Variants in SLCO3A1 observed in about 807,000 individuals in gnomAD.
SLCO3A1 encodes solute carrier organic anion transporter family member 3A1.
SLCO3A1 carries 27 observed loss-of-function variants against 63.1 expected under a neutral mutation model. The observed-to-expected ratio is 0.43, with a 90% CI of 0.32 to 0.59. The LOEUF (loss-of-function observed/expected upper bound fraction) is 0.59. Among genes scored for constraint, SLCO3A1 ranks in the 20% least tolerant of loss-of-function variants. SLCO3A1 has a pLI of 0.09. For synonymous variants in SLCO3A1, 473 were observed against 409.9 expected (o/e 1.15, Z -1.86); for missense variants, 773 against 945.8 (o/e 0.82, Z 2.40).
At chr15:91,901,798 C>T (rs764796032) in intron 1 of SLCO3A1, among the ~76,000 whole-genome samples, 5 of 152,054 alleles carry the variant, frequency 3.3e-5, no homozygotes, top group African/African-American at 7.2e-5. Context: ...TGTGTCTAGG[C>T]GGGGATCTTT....
Position 91,957,159 on chromosome 15 carries a change from A to AT in SLCO3A1, c.646+40712dup, listed in dbSNP as rs113837519. ...ACTATATATTATAATATATATATAT[A>AT]TTTTTTTTTTTAGTAGAGACGGGGT... is the stretch of plus-strand genomic sequence containing the variant. On this transcript the variant is annotated intron_variant, in intron 2 of 9. Transcript: ENST00000318445. 1.3e-3 allele frequency among the ~76,000 whole-genome samples: 19 copies of AT among 14,486 alleles called. 1 individual carries two copies. The highest frequency in any genetic ancestry group is 8.8e-3 in the East Asian group (5 of 570). 9.5% of individuals were successfully genotyped at this position (14,486 alleles called of 152,430 possible).
chr15:91,963,626 G>C, intron 2 of SLCO3A1, among the ~76,000 whole-genome samples: 1 of 152,108 alleles, frequency 6.6e-6, no homozygotes, highest in Non-Finnish European at 1.5e-5. Flanking sequence ...ATGAAGCCGT[G>C]GACCTTCGCG....
chr15:92,105,972 C>A (rs558596582), intron 4 of SLCO3A1, among the ~76,000 whole-genome samples: 1 of 152,292 alleles, frequency 6.6e-6, no homozygotes, highest in East Asian at 1.9e-4. Context: ...TGTGCTCAGC[C>A]CCCTGTTCTG....
intron 2 of SLCO3A1, among the ~76,000 whole-genome samples, chr15:92,093,565 C>CA (rs2047503335): frequency 6.6e-6 from 1 of 152,122 alleles, no homozygotes; most frequent in Non-Finnish European, 1.5e-5. Context: ...ATTTAAAAAC[C>CA]ATTTGCCTTC....
intron 2 of SLCO3A1, among the ~76,000 whole-genome samples, chr15:91,927,322 A>G (rs1899064923): frequency 6.6e-6 from 1 of 152,136 alleles, no homozygotes; most frequent in Non-Finnish European, 1.5e-5. Context: ...TCTAAAAGCA[A>G]AAACACTTTA....
At chr15:91,921,212 T>C (rs912294410) in intron 2 of SLCO3A1, among the ~76,000 whole-genome samples, 5 of 152,248 alleles carry the variant, frequency 3.3e-5, no homozygotes, top group Non-Finnish European at 7.3e-5. Context: ...TGGTCTTCCC[T>C]CTGCATACAC....
At chr15:92,016,253 AT>A (rs33921523) in intron 2 of SLCO3A1, among the ~76,000 whole-genome samples, 3,745 of 24,042 alleles carry the variant, frequency 0.16, 131 homozygotes, top group African/African-American at 0.34. Context: ...AGATAGATAG[AT>A]TAGATAGATA....
chr15:92,130,367 G>A (rs1459534848), intron 7 of SLCO3A1, among the ~76,000 whole-genome samples: 1 of 152,190 alleles, frequency 6.6e-6, no homozygotes, highest in Non-Finnish European at 1.5e-5. Flanking sequence ...GGTTACTCGA[G>A]GCCTCACATT....
At chr15:92,169,817 A>G (rs891664409), downstream of SLCO3A1, among the ~76,000 whole-genome samples, 1 of 152,182 alleles carries the variant, frequency 6.6e-6, no homozygotes, top group Admixed American at 6.5e-5. Context: ...GGCACTTGTC[A>G]TATTGAGTTC....
chr15:91,860,484 A>G lies in SLCO3A1; in HGVS notation c.180+6396A>G, dbSNP rs764041643. ...ACAGTTGCTTTAACAGTAATGGTAT[A>G]ACCCTGCTCGTTGACATTAGCACCA... On this transcript the variant is annotated intron_variant, in intron 1 of 9. Transcript: ENST00000318445. The surrounding 1 kb of genome is among the most constrained non-coding windows in gnomAD (Gnocchi z 5.5). 5.3e-5 allele frequency among the ~76,000 whole-genome samples: 8 copies of G among 152,198 alleles called. No homozygotes were observed. Among genetic ancestry groups the G allele is most frequent in the Non-Finnish European group, 1.0e-4 (7 of 68,026 alleles).
At chr15:92,090,880 C>T (rs1046286387) in intron 2 of SLCO3A1, among the ~76,000 whole-genome samples, 12 of 152,176 alleles carry the variant, frequency 7.9e-5, no homozygotes, top group African/African-American at 2.9e-4. Context: ...TCAATCCTCA[C>T]CACAACCCCA....
intron 7 of SLCO3A1, among the ~76,000 whole-genome samples, chr15:92,142,157 C>T (rs1485680137): frequency 2.0e-5 from 3 of 152,232 alleles, no homozygotes; most frequent in African/African-American, 7.2e-5. Context: ...TGGACACCAA[C>T]AAACAGACAT....
intron 2 of SLCO3A1, among the ~76,000 whole-genome samples, chr15:91,963,420 G>GGCT (rs1454679549): frequency 8.4e-6 from 1 of 118,588 alleles, no homozygotes; most frequent in African/African-American, 3.2e-5. Flanking sequence ...GGGGGGGGGG[G>GGCT]CGGCAGCAGC....
intron 4 of SLCO3A1, among the ~76,000 whole-genome samples, chr15:92,119,187 C>T (rs979227802): frequency 2.0e-5 from 3 of 152,090 alleles, no homozygotes; most frequent in Non-Finnish European, 4.4e-5. Flanking sequence ...AGACCACATG[C>T]CAATGATTCT....
At chr15:91,980,559 C>T (rs1045083821) in intron 2 of SLCO3A1, among the ~76,000 whole-genome samples, 1 of 151,918 alleles carries the variant, frequency 6.6e-6, no homozygotes, top group Admixed American at 6.6e-5. Context: ...CTGAGTGGGT[C>T]CTTTCTAAAC....
intron 7 of SLCO3A1, among the ~76,000 whole-genome samples, chr15:92,137,435 C>T (rs1354810127): frequency 7.1e-5 from 7 of 98,180 alleles, no homozygotes; most frequent in South Asian, 3.0e-4. Context: ...AATAAACATA[C>T]GTGTGCATGT....
chr15:92,166,159 G>C (rs2048492336), downstream of SLCO3A1, among the ~76,000 whole-genome samples: 1 of 152,194 alleles, frequency 6.6e-6, no homozygotes, highest in Admixed American at 6.5e-5. Context: ...TCTTCTCTCA[G>C]CTGAGGCTGT....
chr15:91,907,632 G>A (rs1410063532), intron 1 of SLCO3A1, among the ~76,000 whole-genome samples: 1 of 152,094 alleles, frequency 6.6e-6, no homozygotes, highest in African/African-American at 2.4e-5. Context: ...AGATTCTCCT[G>A]CCTCAGCCTC....
intron 4 of SLCO3A1, among the ~76,000 whole-genome samples, chr15:92,114,922 T>C (rs1484080641): frequency 3.3e-5 from 5 of 152,174 alleles, no homozygotes; most frequent in Non-Finnish European, 7.3e-5. Flanking sequence ...GCGTTGGTTT[T>C]CTCATGTCTG....
Sources: gnomAD v4.1 joint callset for allele counts (sites outside exome capture counted in the v4.1 genomes callset) on GRCh38, gnomAD v4.1.1 for gene constraint, Gnocchi (gnomAD v3.1) non-coding constraint, MANE v1.5 for transcripts, NCBI Gene and HGNC (gene_info 2026-07-23, HGNC 2026-07-21) for gene names.